GNB4: variants seen among roughly 807,000 people sequenced by gnomAD.
GNB4 encodes the protein guanine nucleotide-binding protein subunit beta-4.
GNB4 carries 28 observed loss-of-function variants against 45.2 expected under a neutral mutation model. The observed-to-expected ratio is 0.62, with a 90% CI of 0.46 to 0.85. The LOEUF (loss-of-function observed/expected upper bound fraction) is 0.85, where lower values mean the gene tolerates loss of function less well. GNB4 is among the 40% of genes least tolerant of loss of function. The pLI, the probability that GNB4 is intolerant of heterozygous loss-of-function variation, is 0.00. For missense variants in GNB4, 321 were observed against 425.4 expected (o/e 0.75, Z 2.16); for synonymous variants, 132 against 143.7 (o/e 0.92, Z 0.58).
the GNB4 span, among the ~76,000 whole-genome samples, chr3:179,487,684 T>TTTTG: frequency 3.6e-3 from 546 of 152,216 alleles, 2 homozygotes; most frequent in African/African-American, 0.012. Context: ...CCACAAGGTT[T>TTTTG]TTTGTTTGTT....
At chr3:179,474,737 C>CTTTTTTTTTTTTTTTT in the GNB4 span, among the ~76,000 whole-genome samples, 112 of 59,730 alleles carry the variant, frequency 1.9e-3, 2 homozygotes, top group East Asian at 4.6e-3. Flanking sequence ...AGACTGGGTC[C>CTTTTTTTTTTTTTTTT]TTTTTTTTTT....
intron 1 of GNB4, among the ~76,000 whole-genome samples, chr3:179,438,349 C>T (rs571585872): frequency 6.6e-6 from 1 of 152,288 alleles, no homozygotes; most frequent in East Asian, 1.9e-4. Context: ...CAGTGTGACC[C>T]CGGAAATTCT....
At chr3:179,486,344 T>C in the GNB4 span, among the ~76,000 whole-genome samples, 20 of 152,342 alleles carry the variant, frequency 1.3e-4, no homozygotes, top group Non-Finnish European at 2.5e-4. Context: ...TTTATTTGCT[T>C]AATAAATCCC....
the GNB4 span, among the ~76,000 whole-genome samples, chr3:179,477,005 A>G: frequency 2.8e-4 from 43 of 152,322 alleles, no homozygotes; most frequent in South Asian, 8.5e-3. Flanking sequence ...GCAAGCCAAT[A>G]GAAGGTGCTC....
chr3:179,413,262 A>T, intron 8 of GNB4, 150 bp downstream of exon 8: 1 of 640,358 alleles, frequency 1.6e-6, no homozygotes. Flanking sequence ...TTTTTTAAAA[A>T]ATCAAAAACC....
the GNB4 span, among the ~76,000 whole-genome samples, chr3:179,474,302 C>A: frequency 1.8e-4 from 28 of 152,172 alleles, no homozygotes; most frequent in African/African-American, 6.5e-4. Context: ...CAGCTCACTG[C>A]AACCTCCTCC....
Position 179,405,191 on chromosome 3 carries a change from T to C in GNB4, c.915A>G (p.Ala305=), listed in dbSNP as rs1281047589. Residue 305 remains alanine, a splice_region_variant and synonymous_variant, in exon 9 of 10, where the codon GCA becomes GCG. Coordinates refer to ENST00000232564, the MANE Select transcript of GNB4 (RefSeq NM_021629.4). ...CCTAATGTGGACTTATTTACTAACCTGCACGATCTCCTTTTAGCGTGTCCC... is the reference window on the plus strand; with the variant it reads ...CCTAATGTGGACTTATTTACTAACCCGCACGATCTCCTTTTAGCGTGTCCC... ...NVWDTLKGDR[A]GVLAGHDNRV... 2 of 1,612,136 alleles carry C rather than the reference T, an allele frequency of 1.2e-6. No homozygotes were observed. The highest frequency in any genetic ancestry group is 1.7e-6 in the Non-Finnish European group (2 of 1,178,942).
At chr3:179,499,854 T>C in the GNB4 span, among the ~76,000 whole-genome samples, 4 of 150,504 alleles carry the variant, frequency 2.7e-5, no homozygotes, top group Admixed American at 6.6e-5. Flanking sequence ...TTTTTTCACA[T>C]GTTTGTTGGC....
rs942236580 is a variant in GNB4 at position 179,410,045 on chromosome 3, T to G, written c.699+3367A>C. On this transcript the variant is annotated intron_variant, in intron 8 of 9. Coordinates refer to ENST00000232564, the MANE Select transcript of GNB4 (RefSeq NM_021629.4). ...GAGATCTGATGGTTTATAAGGGGCT[T>G]CCCCCTTCGCTCGGCACTCATTCTC... 2.0e-4 allele frequency among the ~76,000 whole-genome samples: 30 copies of G among 152,056 alleles called. 1 individual carries two copies. Among genetic ancestry groups the G allele is most frequent in the Non-Finnish European group, 8.8e-5 (6 of 67,992 alleles).
intron 4 of GNB4, 58 bp from the exon 5 acceptor site, chr3:179,416,614 G>A: frequency 1.0e-6 from 1 of 984,866 alleles, no homozygotes; most frequent in Non-Finnish European, 1.6e-6. Flanking sequence ...AGCTTAAATT[G>A]GTTATGCATT....
chr3:179,411,090 CTGAGTT>C (rs1714637867), intron 8 of GNB4, among the ~76,000 whole-genome samples: 2 of 152,054 alleles, frequency 1.3e-5, no homozygotes, highest in Non-Finnish European at 2.9e-5. Context: ...GAATCTGGCA[CTGAGTT>C]AATGAAATTA....
At position 179,419,421 on chromosome 3, in the gene GNB4, T is replaced by A. The variant is rs764497524; in HGVS notation, c.181A>T (p.Met61Leu). ...AACCTGGAATCGTATCCCCAATGCATAGCATAGATTTTAGCTAGGTGGCCC... is the reference window on the plus strand; with the variant it reads ...AACCTGGAATCGTATCCCCAATGCAAAGCATAGATTTTAGCTAGGTGGCCC... ...LRGHLAKIYA[M>L]HWGYDSRLLV... Residue 61 changes from methionine (M) to leucine (L), a missense_variant, in exon 4 of 10, where the codon ATG becomes TTG. By Grantham distance (15) the Met-to-Leu change is conservative. Coordinates refer to ENST00000232564, the MANE Select transcript of GNB4 (RefSeq NM_021629.4). 11 of 1,607,888 alleles carry A rather than the reference T, an allele frequency of 6.8e-6. No individual in the cohort carries two copies. The highest frequency in any genetic ancestry group is 5.3e-5 in the African/African-American group (4 of 74,812).
At chr3:179,429,214 T>C (rs1715233554) in intron 1 of GNB4, among the ~76,000 whole-genome samples, 1 of 152,242 alleles carries the variant, frequency 6.6e-6, no homozygotes, top group Non-Finnish European at 1.5e-5. Context: ...AAGAGCAGAA[T>C]GGCTTCTATT....
chr3:179,408,080 A>G (rs756094073), intron 8 of GNB4, among the ~76,000 whole-genome samples: 5 of 152,240 alleles, frequency 3.3e-5, no homozygotes, highest in Non-Finnish European at 7.3e-5. Context: ...GCAAATCTAA[A>G]TAATATTTTT....
At chr3:179,413,691 A>C in intron 7 of GNB4, 24 bp downstream of exon 7, 1 of 1,613,106 alleles carries the variant, frequency 6.2e-7, no homozygotes, top group Non-Finnish European at 8.5e-7. Context: ...ACCCATAATC[A>C]GTGTGCTTCT....
chr3:179,411,026 T>C lies in GNB4; in HGVS notation c.699+2386A>G, dbSNP rs528813749. On this transcript the variant is annotated intron_variant, in intron 8 of 9. Coordinates refer to ENST00000232564, the MANE Select transcript of GNB4 (RefSeq NM_021629.4). ...TATATACAATTTGTCAATTATACCT[T>C]AATAAAGTAGGGGCTGGGGAGGAAA... Among the ~76,000 whole-genome samples the C allele has an allele frequency of 6.6e-5, 10 of 152,286 alleles. No individual in the cohort carries two copies. In the South Asian group the frequency reaches 2.1e-3, roughly 32 times the overall value.
chr3:179,456,926 T>G, the GNB4 span, among the ~76,000 whole-genome samples: 5 of 152,322 alleles, frequency 3.3e-5, no homozygotes, highest in African/African-American at 1.2e-4. Flanking sequence ...GTTTATCCAT[T>G]TGGCAAATAG....
upstream of GNB4, among the ~76,000 whole-genome samples, chr3:179,456,214 C>T (rs1199645578): frequency 6.6e-6 from 1 of 151,326 alleles, no homozygotes; most frequent in East Asian, 1.9e-4. Flanking sequence ...TCTCGAGCCT[C>T]CTGAGTAGGT....
chr3:179,505,532 G>T, the GNB4 span, among the ~76,000 whole-genome samples: 18 of 152,162 alleles, frequency 1.2e-4, no homozygotes, highest in Admixed American at 7.9e-4. Flanking sequence ...TTATAATGAT[G>T]ATATATAAAG....
Sources: allele counts gnomAD v4.1 joint callset (sites outside exome capture counted in the v4.1 genomes callset), GRCh38; gene constraint gnomAD v4.1.1; transcripts MANE v1.5; gene names NCBI Gene and HGNC (gene_info 2026-07-23, HGNC 2026-07-21).